The following CTIF variants were observed in gnomAD, a reference collection of about 807,000 sequenced individuals.
CTIF encodes the protein cap binding complex dependent translation initiation factor.
In CTIF, 21 loss-of-function variants were observed where a neutral mutation model predicts 66.0. That is an observed-to-expected ratio of 0.32 (90% CI 0.23 to 0.46). CTIF has a LOEUF of 0.46. CTIF is among the 20% of genes least tolerant of loss of function. CTIF has a pLI of 1.00. For synonymous variants in CTIF, 345 were observed against 326.4 expected, an observed-to-expected ratio of 1.06 and a Z score of -0.62; for missense variants, 739 against 812.7, an observed-to-expected ratio of 0.91 and a Z score of 1.10.
chr18:48,596,634 C>T (rs966333467), intron 1 of CTIF, among the ~76,000 whole-genome samples: 6 of 152,160 alleles, frequency 3.9e-5, no homozygotes, highest in African/African-American at 1.4e-4. Context: ...TGTGCTAACA[C>T]ACCTGGCTAA....
At chr18:48,667,527 A>G (rs553662882) in intron 5 of CTIF, among the ~76,000 whole-genome samples, 7 of 152,150 alleles carry the variant, frequency 4.6e-5, no homozygotes, top group African/African-American at 7.2e-5. Context: ...CAGGTGCCCA[A>G]TGGGGCCTGC....
intron 6 of CTIF, among the ~76,000 whole-genome samples, chr18:48,684,008 A>C (rs1276483444): frequency 1.3e-5 from 2 of 152,216 alleles, no homozygotes; most frequent in African/African-American, 4.8e-5. Context: ...GAGGTGCTAA[A>C]GTGTCAGGTG....
rs1249118257 is a variant in CTIF, at chr18:48,650,880, C to G, written c.253-12872C>G. 2.6e-5 allele frequency among the ~76,000 whole-genome samples: 4 copies of G among 152,090 alleles called. No individual in the cohort carries two copies. The East Asian group carries it at 7.7e-4, about 29-fold the overall frequency. On this transcript the variant is annotated intron_variant, in intron 3 of 11. Transcript: ENST00000256413. ...AGAGAATTTTCAACCGAGAATTTCA[C>G]ATCCAGCCAAACTAAGCTTCACAAG... is the stretch of plus-strand genomic sequence containing the variant.
intron 7 of CTIF, among the ~76,000 whole-genome samples, chr18:48,720,836 C>T (rs2092328328): frequency 6.6e-6 from 1 of 152,198 alleles, no homozygotes; most frequent in Non-Finnish European, 1.5e-5. Flanking sequence ...GAACAAGCTG[C>T]AGAGAGTGGC....
chr18:48,677,216 T>C (rs2145090865), intron 6 of CTIF, among the ~76,000 whole-genome samples: 2 of 152,224 alleles, frequency 1.3e-5, no homozygotes. Context: ...CTGAAAACCA[T>C]GCCCCACCTC....
intron 1 of CTIF, among the ~76,000 whole-genome samples, chr18:48,613,669 A>C (rs1359553791): frequency 6.6e-6 from 1 of 152,124 alleles, no homozygotes; most frequent in Non-Finnish European, 1.5e-5. Context: ...CCGAGTCTGG[A>C]TGAGGTTGTT....
chr18:48,701,606 T>C (rs991505988), intron 6 of CTIF, among the ~76,000 whole-genome samples: 1 of 152,106 alleles, frequency 6.6e-6, no homozygotes, highest in Admixed American at 6.5e-5. Context: ...CTGACAATGG[T>C]AGTTGAAGAA....
chr18:48,582,688 T>C (rs1420219787), intron 1 of CTIF, among the ~76,000 whole-genome samples: 1 of 152,084 alleles, frequency 6.6e-6, no homozygotes, highest in Non-Finnish European at 1.5e-5. Flanking sequence ...GCGGTAGTAG[T>C]AGTGGTGGTG....
chr18:48,551,203 G>T (rs1029768047), intron 1 of CTIF, among the ~76,000 whole-genome samples: 4 of 151,410 alleles, frequency 2.6e-5, no homozygotes, highest in African/African-American at 7.3e-5. Context: ...AGGATGCAAC[G>T]AGAAGGCAGC....
intron 6 of CTIF, among the ~76,000 whole-genome samples, chr18:48,671,711 C>T (rs1300348953): frequency 1.3e-5 from 2 of 151,672 alleles, no homozygotes; most frequent in South Asian, 2.1e-4. Context: ...TTTTCAGCCA[C>T]GATTCCTCCT....
intron 2 of CTIF, among the ~76,000 whole-genome samples, chr18:48,622,312 T>A (rs2090510274): frequency 6.6e-6 from 1 of 151,628 alleles, no homozygotes; most frequent in South Asian, 2.1e-4. Flanking sequence ...GAGTGGGGTG[T>A]TTGAAATCAG....
intron 10 of CTIF, among the ~76,000 whole-genome samples, chr18:48,838,198 G>C (rs2068856562): frequency 6.6e-6 from 1 of 152,156 alleles, no homozygotes; most frequent in African/African-American, 2.4e-5. Flanking sequence ...CAAAGCACCT[G>C]CTTTTTCTTC....
chr18:48,658,444 G>A (rs1268973887), intron 3 of CTIF, among the ~76,000 whole-genome samples: 1 of 152,094 alleles, frequency 6.6e-6, no homozygotes, highest in Non-Finnish European at 1.5e-5. Flanking sequence ...TGGGTGTGGT[G>A]TGGATGTGTG....
At chr18:48,730,566 T>C (rs78788062) in intron 7 of CTIF, among the ~76,000 whole-genome samples, 1,725 of 2,806 alleles carry the variant, frequency 0.61, 585 homozygotes, top group East Asian at 0.78. Flanking sequence ...GTGAGGGGCT[T>C]CTGCGGTGTG....
intron 1 of CTIF, among the ~76,000 whole-genome samples, chr18:48,563,356 T>C (rs1008553781): frequency 2.6e-5 from 4 of 152,252 alleles, no homozygotes; most frequent in Admixed American, 6.5e-5. Context: ...CTCTCTGGGA[T>C]CTTGGGAGAC....
At chr18:48,763,752 A>T (rs900111629) in intron 9 of CTIF, among the ~76,000 whole-genome samples, 5 of 152,108 alleles carry the variant, frequency 3.3e-5, no homozygotes, top group Admixed American at 2.0e-4. Flanking sequence ...TCGATTTTGC[A>T]CTACTGGAGA....
intron 3 of CTIF, 76 bp downstream of exon 3, chr18:48,636,761 T>C: frequency 8.6e-7 from 1 of 1,167,216 alleles, no homozygotes; most frequent in Non-Finnish European, 1.2e-6. Flanking sequence ...CGGCCCACAG[T>C]GGCTCCTGAG....
At chr18:48,570,814 T>G in intron 1 of CTIF, among the ~76,000 whole-genome samples, 1 of 150,998 alleles carries the variant, frequency 6.6e-6, no homozygotes. Flanking sequence ...TTGAGGAGGG[T>G]GGAGGGAGGT....
intron 1 of CTIF, among the ~76,000 whole-genome samples, chr18:48,579,981 G>A (rs2089617906): frequency 1.3e-5 from 2 of 152,278 alleles, no homozygotes. Context: ...GTCTCTGATG[G>A]ACAAGTGATT....
Sources: gnomAD v4.1 joint callset for allele counts (sites outside exome capture counted in the v4.1 genomes callset) on GRCh38, gnomAD v4.1.1 for gene constraint, MANE v1.5 for transcripts, NCBI Gene and HGNC (gene_info 2026-07-23, HGNC 2026-07-21) for gene names.